Variants in DMD observed in about 807,000 individuals in gnomAD.
DMD encodes the protein mutant dystrophin.
Under a neutral mutation model 330.1 loss-of-function variants are expected in DMD, and 63 were observed. The ratio of observed to expected loss-of-function variants is 0.19; its 90% confidence interval spans 0.16 to 0.24. DMD has a LOEUF of 0.24. Ranked by LOEUF, DMD falls within the 10% of genes least tolerant of loss-of-function variation. DMD has a pLI of 1.00. For missense variants in DMD, 3,344 were observed against 2,684.1 expected (o/e 1.25, Z -5.43); for synonymous variants, 1,223 against 959.8 (o/e 1.27, Z -5.07).
intron 2 of DMD, among the ~76,000 whole-genome samples, chrX:32,857,549 A>T (rs1053824964): frequency 1.8e-5 from 2 of 112,374 alleles, no homozygotes; most frequent in Non-Finnish European, 3.7e-5. Context: ...AATCTTATGC[A>T]CTGCAATGTG....
intron 44 of DMD, among the ~76,000 whole-genome samples, chrX:32,212,632 G>A (rs186307858): frequency 2.7e-5 from 3 of 111,936 alleles, no homozygotes; most frequent in African/African-American, 9.7e-5. Flanking sequence ...AGAGCCTCAT[G>A]TGGATTGTCA....
intron 1 of DMD, among the ~76,000 whole-genome samples, chrX:33,293,056 C>T (rs1402131491): frequency 9.0e-6 from 1 of 111,522 alleles, no homozygotes; most frequent in African/African-American, 3.2e-5. Context: ...AATTGAGAAG[C>T]CCTTAAATCC....
intron 44 of DMD, among the ~76,000 whole-genome samples, chrX:32,175,349 G>A (rs958174459): frequency 2.8e-4 from 31 of 110,540 alleles, no homozygotes; most frequent in African/African-American, 9.9e-4. Flanking sequence ...GTAGCCAATC[G>A]TGGGGAGGAT....
In DMD at chrX:32,731,666, C is replaced by T. The variant is rs182224964; in HGVS notation, c.650-32373G>A. Among the ~76,000 whole-genome samples the T allele has an allele frequency of 3.1e-3, 345 of 111,930 alleles. 2 individuals carry two copies. The highest frequency in any genetic ancestry group is 0.01 in the African/African-American group (313 of 30,802). ...AAAAGGGGCATACTGACACCTCACA[C>T]GGCAGGGTACTCCAACAGACCTGCA... On this transcript the variant is annotated intron_variant, in intron 7 of 78. Coordinates refer to ENST00000357033, the MANE Select transcript of DMD (RefSeq NM_004006.3).
intron 45 of DMD, among the ~76,000 whole-genome samples, chrX:31,951,593 T>G (rs926256443): frequency 9.0e-6 from 1 of 110,981 alleles, no homozygotes; most frequent in Non-Finnish European, 1.9e-5. Flanking sequence ...GATCATAATT[T>G]ACTTAAGTTC....
chrX:31,539,177 A>T (rs1247777194), intron 55 of DMD, among the ~76,000 whole-genome samples: 1 of 111,872 alleles, frequency 8.9e-6, no homozygotes, highest in African/African-American at 3.2e-5. Flanking sequence ...TCTGATACAG[A>T]GCTGACTGAC....
rs1193302041 is a variant in DMD, at chrX:31,522,325, T to TTCTCTCTCTC, written c.8218-14882_8218-14873dup. On this transcript the variant is annotated intron_variant, in intron 55 of 78. Coordinates refer to ENST00000357033, the MANE Select transcript of DMD (RefSeq NM_004006.3). ...AGAGACAGAGTGGTAAGATCAAAAT[T>TTCTCTCTCTC]TCTCTCTCTCTCTCTCTCTCTCTCT... Among the ~76,000 whole-genome samples, 23 of 51,323 alleles carry TTCTCTCTCTC rather than the reference T, an allele frequency of 4.5e-4. 1 individual carries two copies. The highest frequency in any genetic ancestry group is 3.9e-3 in the East Asian group (5 of 1,297). The allele number at this position is 51,323 out of a possible 115,157, so 44.6% of individuals were successfully genotyped here. A position where few individuals can be genotyped will look rare whatever the true frequency, so the allele number is the denominator to read the frequency against.
intron 2 of DMD, among the ~76,000 whole-genome samples, chrX:32,996,335 A>G (rs1449171871): frequency 9.0e-6 from 1 of 111,064 alleles, no homozygotes; most frequent in African/African-American, 3.2e-5. Context: ...ATAAATATTT[A>G]TAAGTCCTAT....
At chrX:31,321,604 A>AG (rs1423222873) in intron 62 of DMD, among the ~76,000 whole-genome samples, 7 of 92,352 alleles carry the variant, frequency 7.6e-5, no homozygotes, top group African/African-American at 2.7e-4. Flanking sequence ...AAAAAAAAAA[A>AG]AAAAAAGAAA....
chrX:31,725,196 C>T (rs745504200), intron 52 of DMD, among the ~76,000 whole-genome samples: 7 of 109,636 alleles, frequency 6.4e-5, no homozygotes, highest in East Asian at 2.8e-4. Context: ...GTTAGCTCTC[C>T]GAGTCTCGGT....
intron 59 of DMD, among the ~76,000 whole-genome samples, chrX:31,460,116 C>A (rs2066438004): frequency 1.8e-5 from 2 of 111,801 alleles, no homozygotes; most frequent in South Asian, 7.4e-4. Context: ...TACCACTCAC[C>A]CTATACCACA....
chrX:31,505,580 G>T (rs905889831), intron 56 of DMD, among the ~76,000 whole-genome samples: 1 of 110,842 alleles, frequency 9.0e-6, no homozygotes, highest in African/African-American at 3.3e-5. Flanking sequence ...GTATCATATG[G>T]TGGTTAAAAG....
chrX:32,036,574 G>C (rs968038498), intron 44 of DMD, among the ~76,000 whole-genome samples: 1 of 111,513 alleles, frequency 9.0e-6, no homozygotes, highest in Non-Finnish European at 1.9e-5. Context: ...ATGAGCTCAG[G>C]TGAGTATTTT....
chrX:32,689,683 T>C (rs1032005127), intron 9 of DMD, among the ~76,000 whole-genome samples: 33 of 110,405 alleles, frequency 3.0e-4, no homozygotes, highest in African/African-American at 1.1e-3. Context: ...AACAACACAT[T>C]AAAAGGATCA....
intron 44 of DMD, among the ~76,000 whole-genome samples, chrX:32,098,209 C>T (rs758900813): frequency 5.4e-5 from 6 of 110,618 alleles, no homozygotes; most frequent in Admixed American, 9.6e-5. Context: ...TGTAAATGCA[C>T]ATATATGTAA....
chrX:31,657,364 T>C (rs981176099), intron 54 of DMD, among the ~76,000 whole-genome samples: 11 of 112,186 alleles, frequency 9.8e-5, no homozygotes, highest in African/African-American at 3.2e-4. Context: ...ATTTAACAAT[T>C]AGTTACATAA....
chrX:31,418,200 G>A (rs914761327), intron 60 of DMD, among the ~76,000 whole-genome samples: 2 of 110,694 alleles, frequency 1.8e-5, no homozygotes, highest in African/African-American at 6.6e-5. Context: ...ATATCAAGGC[G>A]CTGGCAGATT....
intron 44 of DMD, among the ~76,000 whole-genome samples, chrX:32,098,697 C>A (rs995046011): frequency 8.9e-6 from 1 of 111,849 alleles, no homozygotes; most frequent in African/African-American, 3.2e-5. Context: ...CAGTGCCATA[C>A]CCATACTTTA....
rs1326128593 is a variant in DMD at position 32,279,050 on chromosome X, G to C, written c.6290+8479C>G. ...AAGAAGACATACAAATGGCAAACAG[G>C]TGTATCAAAATATGCTCAGCATCAC... On this transcript the variant is annotated intron_variant, in intron 43 of 78. Coordinates refer to ENST00000357033, the MANE Select transcript of DMD (RefSeq NM_004006.3). Among the ~76,000 whole-genome samples, 8 of 111,809 alleles carry C rather than the reference G, an allele frequency of 7.2e-5. No homozygotes were observed. The Admixed American group carries it at 7.6e-4, about 11-fold the overall frequency.
Sources: gnomAD v4.1 joint callset for allele counts (sites outside exome capture counted in the v4.1 genomes callset) on GRCh38, gnomAD v4.1.1 for gene constraint, MANE v1.5 for transcripts, NCBI Gene and HGNC (gene_info 2026-07-23, HGNC 2026-07-21) for gene names.